Variants in FBN2 observed in about 807,000 individuals in gnomAD.
FBN2 encodes fibrillin 2.
A neutral mutation model predicts 355.6 loss-of-function variants in FBN2; 105 were observed. The observed-to-expected ratio is 0.30, with a 90% CI of 0.25 to 0.35. The LOEUF is 0.35. Ranked by LOEUF, FBN2 falls within the 10% of genes least tolerant of loss-of-function variation. The probability of loss-of-function intolerance (pLI) is 1.00; values close to 1 mark genes in which losing one functional copy is unlikely to be tolerated. For synonymous variants in FBN2, 1,350 were observed against 1,301.2 expected (o/e 1.04, Z -0.81); for missense variants, 3,280 against 3,758.7 (o/e 0.87, Z 3.33).
intron 11 of FBN2, among the ~76,000 whole-genome samples, chr5:128,383,289 C>CTTG (rs1752280929): frequency 1.3e-5 from 2 of 151,848 alleles, no homozygotes; most frequent in Admixed American, 6.6e-5. Context: ...TATTAATATA[C>CTTG]TACAAAAAAT....
chr5:128,294,085 G>A (rs1749423149), intron 48 of FBN2, among the ~76,000 whole-genome samples: 1 of 151,894 alleles, frequency 6.6e-6, no homozygotes. Context: ...AGAATATGCG[G>A]TGTTTGGTTT....
chr5:128,332,902 G>A lies in FBN2; in HGVS notation c.4222+10C>T. ...GCCTTAGCAAAGGATATTTACATTT[G>A]CAAACTCACCAATACACTTGATGCC... On this transcript the variant is annotated intron_variant, in intron 32 of 64. Coordinates refer to ENST00000262464, the MANE Select transcript of FBN2 (RefSeq NM_001999.4). The A allele has an allele frequency of 1.2e-6, 2 of 1,613,518 alleles. No individual in the cohort carries two copies. The highest frequency in any genetic ancestry group is 1.7e-6 in the Non-Finnish European group (2 of 1,179,514).
intron 4 of FBN2, among the ~76,000 whole-genome samples, chr5:128,519,880 G>T (rs1581366962): frequency 1.3e-5 from 2 of 151,676 alleles, no homozygotes; most frequent in African/African-American, 4.8e-5. Context: ...GAGAAGAAAA[G>T]GAAGCCAAGG....
intron 11 of FBN2, among the ~76,000 whole-genome samples, chr5:128,387,789 A>G (rs906187139): frequency 6.6e-6 from 1 of 152,116 alleles, no homozygotes; most frequent in African/African-American, 2.4e-5. Flanking sequence ...AGTATGTGCT[A>G]TGTTACAGAT....
intron 55 of FBN2, among the ~76,000 whole-genome samples, chr5:128,285,604 C>T (rs890644683): frequency 6.6e-6 from 1 of 152,022 alleles, no homozygotes; most frequent in Non-Finnish European, 1.5e-5. Flanking sequence ...AACACCCACC[C>T]CCACCACTCC....
chr5:128,479,464 T>G (rs747088684), intron 5 of FBN2, among the ~76,000 whole-genome samples: 1 of 152,142 alleles, frequency 6.6e-6, no homozygotes, highest in African/African-American at 2.4e-5. Flanking sequence ...ATATTTTTAC[T>G]TTTTTAATCA....
chr5:128,336,152 C>T, intron 27 of FBN2, 39 bp from the exon 28 acceptor site: 1 of 1,605,280 alleles, frequency 6.2e-7, no homozygotes, highest in Non-Finnish European at 8.5e-7. Flanking sequence ...TACACAATGT[C>T]CACTCACTAA....
In FBN2 at chr5:128,259,639, C is replaced by T; in HGVS notation, c.8555G>A (p.Gly2852Glu). The T allele has an allele frequency of 1.2e-6, 2 of 1,614,016 alleles. No homozygotes were observed. The highest frequency in any genetic ancestry group is 1.7e-5 in the Admixed American group (1 of 59,986). Residue 2852 changes from glycine to glutamate, a missense_variant, in exon 65 of 65, where the codon GGG becomes GAG. Gly to Glu is a moderately conservative substitution (Grantham distance 98). Around this residue, in one of 6 missense-constraint regions of FBN2, gnomAD observed 311 missense variants for 319.1 expected, o/e 0.97. Transcript: ENST00000262464. ...DSVFRIHQRNGLSYLHTAKKK... is the reference protein window; with the variant it reads ...DSVFRIHQRNELSYLHTAKKK... ...CTTGGCCGTGTGCAAGTAGCTGAGC[C>T]CATTCCTTTGGTGGATGCGGAAGAC...
chr5:128,473,549 A>G (rs939698634), intron 5 of FBN2, among the ~76,000 whole-genome samples: 1 of 152,154 alleles, frequency 6.6e-6, no homozygotes, highest in Non-Finnish European at 1.5e-5. Context: ...TTTGAGATCC[A>G]TTTCACTCCA....
chr5:128,520,020 G>C (rs571655030), intron 4 of FBN2, among the ~76,000 whole-genome samples: 5 of 152,018 alleles, frequency 3.3e-5, no homozygotes, highest in Non-Finnish European at 7.4e-5. Context: ...GAAAAAAAGG[G>C]AAAAAAAGCT....
At chr5:128,287,091 A>C (rs973472323) in intron 54 of FBN2, among the ~76,000 whole-genome samples, 3 of 152,214 alleles carry the variant, frequency 2.0e-5, no homozygotes, top group African/African-American at 7.2e-5. Context: ...GAGTGTGAGA[A>C]TAGTGGGCTT....
chr5:128,364,618 A>G lies in FBN2; in HGVS notation c.2410T>C (p.Ser804Pro). The G allele has an allele frequency of 3.1e-6, 5 of 1,613,672 alleles. No individual in the cohort carries two copies. Among genetic ancestry groups the G allele is most frequent in the Non-Finnish European group, 4.2e-6 (5 of 1,179,670 alleles). The change falls in exon 18 of 65, where the codon TCT becomes CCT. Residue 804 changes from serine (S) to proline (P), a missense_variant. Ser to Pro is a moderately conservative substitution (Grantham distance 74). Coordinates refer to ENST00000262464, the MANE Select transcript of FBN2 (RefSeq NM_001999.4). ...NCNSGYEPDASGRNCIDIDEC... is the reference protein window; with the variant it reads ...NCNSGYEPDAPGRNCIDIDEC... ...AACTTACCAATACAGTTTCTTCCAG[A>G]GGCATCTGGTTCATAGCCACTGTTG... is the stretch of plus-strand genomic sequence containing the variant.
At chr5:128,420,555 A>C (rs1476621991) in intron 7 of FBN2, among the ~76,000 whole-genome samples, 2 of 152,218 alleles carry the variant, frequency 1.3e-5, no homozygotes, top group Non-Finnish European at 2.9e-5. Flanking sequence ...CATTGATCAA[A>C]GGTATTTTTT....
chr5:128,435,205 G>A (rs1753742979), intron 7 of FBN2, among the ~76,000 whole-genome samples: 1 of 151,940 alleles, frequency 6.6e-6, no homozygotes, highest in Non-Finnish European at 1.5e-5. Context: ...CTGGAGCAGG[G>A]GAATAAAAAC....
At chr5:128,507,952 TTAAG>T (rs1160618532) in intron 5 of FBN2, among the ~76,000 whole-genome samples, 1 of 152,070 alleles carries the variant, frequency 6.6e-6, no homozygotes, top group Non-Finnish European at 1.5e-5. Flanking sequence ...AGCTATGCTA[TTAAG>T]TGAGAGAACA....
chr5:128,283,457 G>A (rs200069244), intron 55 of FBN2, among the ~76,000 whole-genome samples: 5 of 152,032 alleles, frequency 3.3e-5, no homozygotes, highest in Admixed American at 2.0e-4. Flanking sequence ...ATACAAAAGC[G>A]GCCACTTTAG....
At chr5:128,284,601 C>A (rs1407414608) in intron 55 of FBN2, among the ~76,000 whole-genome samples, 4 of 152,118 alleles carry the variant, frequency 2.6e-5, no homozygotes, top group Non-Finnish European at 5.9e-5. Flanking sequence ...AGTTTCAATT[C>A]ATGTTTGTTG....
intron 17 of FBN2, 130 bp downstream of exon 17, chr5:128,366,247 G>C: frequency 2.1e-6 from 1 of 483,394 alleles, no homozygotes; most frequent in Non-Finnish European, 3.7e-6. Context: ...CACTGCTCTA[G>C]GAGATAATTA....
At chr5:128,306,762 C>A (rs1474821542) in intron 42 of FBN2, among the ~76,000 whole-genome samples, 1 of 151,982 alleles carries the variant, frequency 6.6e-6, no homozygotes, top group Non-Finnish European at 1.5e-5. Context: ...AGGGATACTG[C>A]AAAAATACAC....
Sources: gnomAD v4.1 joint callset for allele counts (sites outside exome capture counted in the v4.1 genomes callset) on GRCh38, gnomAD v4.1.1 for gene constraint, gnomAD v4.1.1 regional missense constraint, MANE v1.5 for transcripts, NCBI Gene and HGNC (gene_info 2026-07-23, HGNC 2026-07-21) for gene names.